The following BBX variants were observed in gnomAD, a reference collection of about 807,000 sequenced individuals.
BBX encodes the protein HMG box transcription factor BBX.
Under a neutral mutation model 100.2 loss-of-function variants are expected in BBX, and 30 were observed. That is an observed-to-expected ratio of 0.30 (90% CI 0.22 to 0.41). BBX has a LOEUF of 0.41. Among genes scored for constraint, BBX ranks in the 10% least tolerant of loss-of-function variants. The pLI is 1.00. For synonymous variants in BBX, 376 were observed against 388.1 expected, an observed-to-expected ratio of 0.97 and a Z score of 0.37; for missense variants, 1,023 against 1,129.8, an observed-to-expected ratio of 0.91 and a Z score of 1.35.
At chr3:107,698,675 G>T (rs1413974424) in intron 3 of BBX, among the ~76,000 whole-genome samples, 1 of 151,212 alleles carries the variant, frequency 6.6e-6, no homozygotes, top group Non-Finnish European at 1.5e-5. Flanking sequence ...AATTCCAAGG[G>T]CTCTGTGTAA....
chr3:107,527,262 A>G (rs1469440706), intron 2 of BBX, among the ~76,000 whole-genome samples: 1 of 152,168 alleles, frequency 6.6e-6, no homozygotes, highest in East Asian at 1.9e-4. Flanking sequence ...TGAGTTGTTG[A>G]TGTTTGGAAA....
chr3:107,527,091 AT>A (rs918956111), intron 2 of BBX, among the ~76,000 whole-genome samples: 8 of 152,222 alleles, frequency 5.3e-5, no homozygotes, highest in Non-Finnish European at 8.8e-5. Flanking sequence ...TCTGCAAAAT[AT>A]GTGTGGGACA....
chr3:107,568,388 C>CCAGGA, intron 2 of BBX, among the ~76,000 whole-genome samples: 1 of 151,948 alleles, frequency 6.6e-6, no homozygotes, highest in Non-Finnish European at 1.5e-5. Context: ...CCTCACCCTC[C>CCAGGA]TGAGTAGCTG....
At chr3:107,624,342 T>G (rs1169685412) in intron 2 of BBX, among the ~76,000 whole-genome samples, 1 of 152,216 alleles carries the variant, frequency 6.6e-6, no homozygotes. Flanking sequence ...GTTTTTTTTG[T>G]GTGTGTGTTT....
chr3:107,780,361 T>G (rs2067749047), intron 13 of BBX, among the ~76,000 whole-genome samples: 1 of 152,100 alleles, frequency 6.6e-6, no homozygotes, highest in Non-Finnish European at 1.5e-5. Flanking sequence ...AACAATAGAT[T>G]TATTTTTGTA....
chr3:107,710,427 T>TTC (rs760637156), intron 3 of BBX, 25 bp from the exon 4 acceptor site: 9 of 1,535,482 alleles, frequency 5.9e-6, no homozygotes, highest in Admixed American at 2.0e-5. Context: ...GTTTCCCTGT[T>TTC]TCTCTCTCTC....
intron 3 of BBX, among the ~76,000 whole-genome samples, chr3:107,699,055 C>T (rs2060864410): frequency 6.6e-6 from 1 of 151,778 alleles, no homozygotes; most frequent in South Asian, 2.1e-4. Flanking sequence ...GTGCGCCCGG[C>T]TCTGTGTCAA....
intron 3 of BBX, among the ~76,000 whole-genome samples, chr3:107,660,252 A>AATTATTTG (rs1256379962): frequency 6.6e-6 from 1 of 152,070 alleles, no homozygotes; most frequent in African/African-American, 2.4e-5. Flanking sequence ...TTTGTAATGG[A>AATTATTTG]ATTATTTGAC....
At chr3:107,611,513 G>C (rs1481463649) in intron 2 of BBX, among the ~76,000 whole-genome samples, 2 of 152,060 alleles carry the variant, frequency 1.3e-5, no homozygotes, top group Admixed American at 6.6e-5. Context: ...TACTATTCTA[G>C]TGTAAAAGTT....
At chr3:107,800,392 A>T (rs541373419) in intron 16 of BBX, among the ~76,000 whole-genome samples, 1 of 152,328 alleles carries the variant, frequency 6.6e-6, no homozygotes, top group South Asian at 2.1e-4. Flanking sequence ...CCTAATAGAT[A>T]ATATTTAAAG....
chr3:107,661,689 C>G (rs1353982858), intron 3 of BBX: 2 of 186,338 alleles, frequency 1.1e-5, no homozygotes, highest in African/African-American at 4.8e-5. Flanking sequence ...TGTGATTTCT[C>G]TGGCTGCTTA....
At chr3:107,759,312 C>G (rs1409429569) in intron 10 of BBX, among the ~76,000 whole-genome samples, 3 of 152,174 alleles carry the variant, frequency 2.0e-5, no homozygotes, top group Admixed American at 1.3e-4. Context: ...AGGGTTTTGT[C>G]TGAGGTCAGG....
chr3:107,607,229 T>C (rs778217979), intron 2 of BBX, among the ~76,000 whole-genome samples: 9 of 152,140 alleles, frequency 5.9e-5, no homozygotes, highest in Non-Finnish European at 1.3e-4. Context: ...CCCGAGTAGC[T>C]GGGATTACAG....
chr3:107,546,820 T>C (rs139317766), intron 2 of BBX, among the ~76,000 whole-genome samples: 6 of 152,276 alleles, frequency 3.9e-5, no homozygotes, highest in Admixed American at 1.3e-4. Flanking sequence ...GAAAGTAATA[T>C]ATGGTTCCTT....
intron 16 of BBX, among the ~76,000 whole-genome samples, chr3:107,799,714 T>C (rs1246344519): frequency 6.6e-6 from 1 of 152,224 alleles, no homozygotes; most frequent in African/African-American, 2.4e-5. Context: ...AGAATGCTTC[T>C]GGATTTCTTG....
intron 3 of BBX, among the ~76,000 whole-genome samples, chr3:107,693,670 T>G (rs564919796): frequency 6.6e-6 from 1 of 151,886 alleles, no homozygotes; most frequent in Non-Finnish European, 1.5e-5. Context: ...CAGGATTGAC[T>G]TGGCGATGCG....
chr3:107,759,878 A>G (rs1252445719), intron 10 of BBX, among the ~76,000 whole-genome samples: 1 of 152,188 alleles, frequency 6.6e-6, no homozygotes, highest in Non-Finnish European at 1.5e-5. Context: ...CTTTTCTGAA[A>G]CAATTTTGAA....
chr3:107,595,453 G>A (rs1038253738), intron 2 of BBX, among the ~76,000 whole-genome samples: 21 of 152,198 alleles, frequency 1.4e-4, no homozygotes, highest in African/African-American at 5.1e-4. Flanking sequence ...TTTCAGACAG[G>A]GTGAACCAAG....
At chr3:107,747,853 G>C in intron 8 of BBX, 112 bp from the exon 9 acceptor site, 1 of 767,764 alleles carries the variant, frequency 1.3e-6, no homozygotes, top group Non-Finnish European at 2.1e-6. Flanking sequence ...TGAGGGTAAT[G>C]ACTCATTTTT....
Sources: allele counts gnomAD v4.1 joint callset (sites outside exome capture counted in the v4.1 genomes callset), GRCh38; gene constraint gnomAD v4.1.1; transcripts MANE v1.5; gene names NCBI Gene and HGNC (gene_info 2026-07-23, HGNC 2026-07-21).